Variants in ARID4A observed in about 807,000 individuals in gnomAD.
ARID4A encodes the protein AT-rich interactive domain-containing protein 4A.
A neutral mutation model predicts 148.6 loss-of-function variants in ARID4A; 39 were observed. That is an observed-to-expected ratio of 0.26 (90% CI 0.20 to 0.34). ARID4A has a LOEUF of 0.34. Ranked by LOEUF, ARID4A falls within the 10% of genes least tolerant of loss-of-function variation. ARID4A has a pLI of 1.00. For synonymous variants in ARID4A, 475 were observed against 481.2 expected (o/e 0.99, Z 0.17); for missense variants, 1,265 against 1,449.1 (o/e 0.87, Z 2.06).
At chr14:58,317,307 C>G (rs1345289275) in intron 5 of ARID4A, among the ~76,000 whole-genome samples, 1 of 139,298 alleles carries the variant, frequency 7.2e-6, no homozygotes, top group South Asian at 2.3e-4. Flanking sequence ...TTTTTTGGGA[C>G]GGAGTCTTGC....
At chr14:58,367,173 G>C in intron 23 of ARID4A, 144 bp downstream of exon 23, 1 of 621,092 alleles carries the variant, frequency 1.6e-6, no homozygotes, top group Non-Finnish European at 2.4e-6. Flanking sequence ...TTGTTGAAAT[G>C]AGTAGGTCAG....
At position 58,373,650 on chromosome 14, in the gene ARID4A, T is replaced by G. The variant is rs569529600; in HGVS notation, c.*1661T>G. The G allele has an allele frequency of 2.3e-5, 4 of 175,836 alleles. No homozygotes were observed. Among genetic ancestry groups the G allele is most frequent in the East Asian group, 9.7e-5 (1 of 10,282 alleles). The allele number at this position is 175,836 out of a possible 1,614,324, so 10.9% of individuals were successfully genotyped here. On this transcript the variant is annotated 3_prime_UTR_variant, in exon 24 of 24. Transcript: ENST00000355431. ...CTTGTAAAATGCACTTTTCTGTCTT[T>G]TCTTTGCAAAGCAGAAGTATCTCAA...
rs367730571 is a variant in ARID4A at position 58,365,773 on chromosome 14, C to A, written c.3316+151C>A. 169 of 757,576 alleles carry A rather than the reference C, an allele frequency of 2.2e-4. No individual in the cohort carries two copies. In the East Asian group the frequency reaches 2.9e-3, roughly 13 times the overall value. 46.9% of individuals were successfully genotyped at this position (757,576 alleles called of 1,614,324 possible). A position where few individuals can be genotyped will look rare whatever the true frequency, so the allele number is the denominator to read the frequency against. ...TACTAGATATTTTGCCATTTTTATTCTTAGGAACTCTAGCTCATTCTTTTT... is the reference window on the plus strand; with the variant it reads ...TACTAGATATTTTGCCATTTTTATTATTAGGAACTCTAGCTCATTCTTTTT... On this transcript the variant is annotated intron_variant, in intron 21 of 23. Coordinates refer to ENST00000355431, the MANE Select transcript of ARID4A (RefSeq NM_002892.4).
chr14:58,327,867 C>A (rs2050371055), intron 8 of ARID4A, among the ~76,000 whole-genome samples: 1 of 152,036 alleles, frequency 6.6e-6, no homozygotes, highest in Non-Finnish European at 1.5e-5. Flanking sequence ...GAGACAGGGT[C>A]CCACTATGCC....
chr14:58,362,893 A>G (rs778920030), intron 19 of ARID4A, among the ~76,000 whole-genome samples: 2 of 152,154 alleles, frequency 1.3e-5, no homozygotes, highest in Non-Finnish European at 2.9e-5. Flanking sequence ...GTCTTATATA[A>G]AAATTTCTCT....
At chr14:58,354,034 GCCAGAGACTA>G (rs1228170975) in intron 17 of ARID4A, among the ~76,000 whole-genome samples, 179 bp downstream of exon 17, 2 of 152,084 alleles carry the variant, frequency 1.3e-5, no homozygotes, top group East Asian at 3.9e-4. Flanking sequence ...AATGCTTCTA[GCCAGAGACTA>G]CCAGGATCAC....
chr14:58,313,506 C>A (rs553836974), intron 5 of ARID4A, among the ~76,000 whole-genome samples: 1 of 152,204 alleles, frequency 6.6e-6, no homozygotes, highest in East Asian at 1.9e-4. Context: ...ACCTGCTGTC[C>A]GGTCCGGTTA....
chr14:58,334,052 T>C (rs2140201459), intron 11 of ARID4A, among the ~76,000 whole-genome samples: 1 of 152,286 alleles, frequency 6.6e-6, no homozygotes, highest in Admixed American at 6.5e-5. Flanking sequence ...CTTATGTATT[T>C]AGCAGAGTCT....
At chr14:58,317,167 T>TG (rs1238095624) in intron 5 of ARID4A, among the ~76,000 whole-genome samples, 2 of 132,864 alleles carry the variant, frequency 1.5e-5, no homozygotes, top group Non-Finnish European at 3.2e-5. Context: ...CACTCCAGCC[T>TG]GGGGGACAGA....
chr14:58,318,525 T>C lies in ARID4A; in HGVS notation c.275-17T>C. 1 of 1,612,796 alleles carries C rather than the reference T, an allele frequency of 6.2e-7. No homozygotes were observed. Among genetic ancestry groups the C allele is most frequent in the Admixed American group, 1.7e-5 (1 of 60,006 alleles). The stretch of plus-strand genomic sequence containing the variant: ...ATTAGTGTGCATAAATTCTCTGTTA[T>C]CTTTTGCTTATTATAGTGTTTGATG... On this transcript the variant is annotated splice_polypyrimidine_tract_variant and intron_variant, in intron 5 of 23. Coordinates refer to ENST00000355431, the MANE Select transcript of ARID4A (RefSeq NM_002892.4).
intron 18 of ARID4A, among the ~76,000 whole-genome samples, chr14:58,360,031 G>C (rs371098473): frequency 8.0e-5 from 12 of 149,866 alleles, no homozygotes; most frequent in Admixed American, 7.3e-4. Flanking sequence ...GCGCCACTGC[G>C]CTCCAGCCTG....
chr14:58,309,217 G>A (rs1415681818), intron 5 of ARID4A, among the ~76,000 whole-genome samples: 3 of 152,204 alleles, frequency 2.0e-5, no homozygotes, highest in African/African-American at 7.2e-5. Context: ...CTGGGCTCAA[G>A]CAGTCTTACC....
rs1050664187 is a variant in ARID4A at position 58,299,230 on chromosome 14, G to C, written c.-58+530G>C. The stretch of plus-strand genomic sequence containing the variant: ...CCCCTCCCCCACGCGGGTCCCCCGG[G>C]GCTCTGGCGGCTCCCGGCTGAAGGC... On this transcript the variant is annotated intron_variant, in intron 1 of 23. Coordinates refer to ENST00000355431, the MANE Select transcript of ARID4A (RefSeq NM_002892.4). 2.0e-5 allele frequency: 3 copies of C among 153,054 alleles called. No homozygotes were observed. In the South Asian group the frequency reaches 6.2e-4, roughly 32 times the overall value. The allele number at this position is 153,054 out of a possible 1,614,324, so 9.5% of individuals were successfully genotyped here. A position where few individuals can be genotyped will look rare whatever the true frequency, so the allele number is the denominator to read the frequency against.
At chr14:58,312,798 T>C (rs2140149852) in intron 5 of ARID4A, among the ~76,000 whole-genome samples, 1 of 152,330 alleles carries the variant, frequency 6.6e-6, no homozygotes, top group East Asian at 1.9e-4. Flanking sequence ...TCTGTTTCTT[T>C]ACCTATAAAA....
chr14:58,367,769 T>G (rs2035419982), intron 23 of ARID4A, among the ~76,000 whole-genome samples: 1 of 152,074 alleles, frequency 6.6e-6, no homozygotes, highest in Non-Finnish European at 1.5e-5. Context: ...TTAAAAGCCC[T>G]AAACTCAAAA....
intron 5 of ARID4A, 51 bp from the exon 6 acceptor site, chr14:58,318,491 T>C: frequency 6.5e-7 from 1 of 1,546,436 alleles, no homozygotes; most frequent in Non-Finnish European, 8.9e-7. Flanking sequence ...GCTTTTAAGT[T>C]TTTATTTCAT....
intron 5 of ARID4A, among the ~76,000 whole-genome samples, chr14:58,312,836 G>A (rs188422365): frequency 5.8e-4 from 88 of 152,184 alleles, no homozygotes; most frequent in Non-Finnish European, 1.2e-3. Context: ...ACTTTGTAGA[G>A]GCTGTTGTGA....
chr14:58,357,282 G>A (rs771521415), intron 17 of ARID4A, among the ~76,000 whole-genome samples: 8 of 152,128 alleles, frequency 5.3e-5, no homozygotes, highest in Non-Finnish European at 1.2e-4. Flanking sequence ...TGCATTTTTC[G>A]ACAGGATATT....
At chr14:58,355,610 C>T (rs1594950935) in intron 17 of ARID4A, among the ~76,000 whole-genome samples, 2 of 152,164 alleles carry the variant, frequency 1.3e-5, no homozygotes, top group East Asian at 3.8e-4. Context: ...TATTTGTATT[C>T]AGATGTAAAT....
Sources: gnomAD v4.1 joint callset for allele counts (sites outside exome capture counted in the v4.1 genomes callset) on GRCh38, gnomAD v4.1.1 for gene constraint, MANE v1.5 for transcripts, NCBI Gene and HGNC (gene_info 2026-07-23, HGNC 2026-07-21) for gene names.